LIMK1: variants seen among roughly 807,000 people sequenced by gnomAD.
The protein encoded by LIMK1 is LIM motif-containing protein kinase.
A neutral mutation model predicts 77.6 loss-of-function variants in LIMK1; 21 were observed. The observed-to-expected ratio is 0.27, with a 90% CI of 0.19 to 0.39. The LOEUF is 0.39. Among genes scored for constraint, LIMK1 ranks in the 10% least tolerant of loss-of-function variants. LIMK1 has a pLI of 1.00. For missense variants in LIMK1, 696 were observed against 901.6 expected (o/e 0.77, Z 2.92); for synonymous variants, 358 against 370.0 (o/e 0.97, Z 0.37).
intron 2 of LIMK1, among the ~76,000 whole-genome samples, chr7:74,088,734 G>A (rs938612861): frequency 2.0e-5 from 3 of 151,152 alleles, no homozygotes; most frequent in Non-Finnish European, 4.4e-5. Flanking sequence ...CCTGGGAGGC[G>A]GAGGCTGCAG....
At chr7:74,114,577 C>T (rs554767251) in intron 12 of LIMK1, among the ~76,000 whole-genome samples, 44 of 150,394 alleles carry the variant, frequency 2.9e-4, no homozygotes, top group African/African-American at 4.4e-4. Context: ...AAATCAAACC[C>T]GAAAAGCAAA....
In LIMK1 at chr7:74,099,154, A is replaced by T. The variant is rs1199051098; in HGVS notation, c.524A>T (p.Lys175Met). Residue 175 changes from lysine to methionine, a missense_variant, in exon 5 of 16, where the codon AAG (lysine) becomes ATG (methionine). By Grantham distance (95) the Lys-to-Met change is moderately conservative. This residue lies in a region of LIMK1 where 252 missense variants were observed against 279.4 expected (regional missense o/e 0.90). Transcript: ENST00000336180. ...TCCATCCCAGCCTCATCTCATGGCA[A>T]GCGTGGACTTTCAGTCTCCATTGAC... is the stretch of plus-strand genomic sequence containing the variant. ...LVSIPASSHG[K>M]RGLSVSIDPP... The T allele has an allele frequency of 1.2e-6, 2 of 1,613,424 alleles. No homozygotes were observed. Among genetic ancestry groups the T allele is most frequent in the African/African-American group, 2.7e-5 (2 of 74,904 alleles).
Position 74,120,602 on chromosome 7 carries a change from G to A in LIMK1, c.1587G>A (p.Lys529=). ...ATCCAGGCCGCAGCTATGATGAGAA[G>A]GTGGATGTGTTCTCCTTTGGGATCG... The part of the protein sequence containing the change: ...EMINGRSYDE[K]VDVFSFGIVL... Residue 529 remains lysine, a synonymous_variant, in exon 14 of 16, where the codon AAG becomes AAA. Transcript: ENST00000336180. The A allele has an allele frequency of 6.2e-7, 1 of 1,614,250 alleles. No homozygotes were observed. The highest frequency in any genetic ancestry group is 8.5e-7 in the Non-Finnish European group (1 of 1,180,040).
intron 5 of LIMK1, among the ~76,000 whole-genome samples, chr7:74,100,597 A>G (rs1799437386): frequency 6.6e-6 from 1 of 151,644 alleles, no homozygotes; most frequent in Non-Finnish European, 1.5e-5. Context: ...TTGTATTTTT[A>G]GTAAAGACAG....
chr7:74,105,285 G>A (rs541989827), intron 5 of LIMK1, among the ~76,000 whole-genome samples: 7 of 152,204 alleles, frequency 4.6e-5, no homozygotes, highest in South Asian at 2.1e-4. Context: ...TAAGGCGGGC[G>A]GATTGCATGA....
At chr7:74,089,030 A>G (rs782174655) in intron 2 of LIMK1, among the ~76,000 whole-genome samples, 5 of 152,186 alleles carry the variant, frequency 3.3e-5, no homozygotes, top group Non-Finnish European at 7.3e-5. Flanking sequence ...AGTATTTGTC[A>G]TATTGGCTAC....
chr7:74,090,232 G>A (rs1000285575), intron 2 of LIMK1, among the ~76,000 whole-genome samples: 3 of 152,000 alleles, frequency 2.0e-5, no homozygotes, highest in South Asian at 2.1e-4. Flanking sequence ...AAAATTAGCC[G>A]GGCCTGTTGG....
In LIMK1 at chr7:74,121,424, C is replaced by G; in HGVS notation, c.*123C>G. The G allele has an allele frequency of 9.6e-7, 1 of 1,040,272 alleles. No individual in the cohort carries two copies. The highest frequency in any genetic ancestry group is 2.6e-5 in the East Asian group (1 of 37,884). 64.4% of individuals were successfully genotyped at this position (1,040,272 alleles called of 1,614,324 possible). The stretch of plus-strand genomic sequence containing the variant: ...CCAGGCTTCTCCTCAGAGCCAGGCC[C>G]TGACTTGCCTTCTCCCACCCCGTGG... On this transcript the variant is annotated 3_prime_UTR_variant, in exon 16 of 16. Transcript: ENST00000336180.
chr7:74,108,264 G>A (rs1799622793), intron 9 of LIMK1, among the ~76,000 whole-genome samples: 1 of 152,096 alleles, frequency 6.6e-6, no homozygotes, highest in South Asian at 2.1e-4. Context: ...CTTGAGCCCA[G>A]GAGTTGGAGG....
At chr7:74,111,527 G>C (rs1262032890) in intron 10 of LIMK1, 121 bp from the exon 11 acceptor site, 3 of 743,816 alleles carry the variant, frequency 4.0e-6, no homozygotes, top group African/African-American at 1.7e-5. Flanking sequence ...AAGAAATCGG[G>C]GTGTTGGGGA....
chr7:74,096,492 T>C, intron 2 of LIMK1, 130 bp from the exon 3 acceptor site: 1 of 1,224,622 alleles, frequency 8.2e-7, no homozygotes, highest in South Asian at 1.4e-5. Context: ...AGAGCAAGAC[T>C]CCGTCTCAAA....
intron 6 of LIMK1, 37 bp from the exon 7 acceptor site, chr7:74,106,040 C>T (rs1315893688): frequency 6.2e-7 from 1 of 1,613,386 alleles, no homozygotes; most frequent in African/African-American, 1.3e-5. Flanking sequence ...TAGCCCCCTC[C>T]CCACTCCACC....
intron 5 of LIMK1, among the ~76,000 whole-genome samples, 163 bp from the exon 6 acceptor site, chr7:74,105,708 TCCTC>T (rs1799554489): frequency 6.6e-6 from 1 of 151,944 alleles, no homozygotes; most frequent in African/African-American, 2.4e-5. Context: ...ATTACAGAAT[TCCTC>T]CCCTGAAACC....
rs1799941446 is a variant in LIMK1 at position 74,121,597 on chromosome 7, A to T, written c.*296A>T. 1 of 406,044 alleles carries T rather than the reference A, an allele frequency of 2.5e-6. No homozygotes were observed. The highest frequency in any genetic ancestry group is 4.1e-5 in the Admixed American group (1 of 24,456). 25.2% of individuals were successfully genotyped at this position (406,044 alleles called of 1,614,324 possible). On this transcript the variant is annotated 3_prime_UTR_variant, in exon 16 of 16. Transcript: ENST00000336180. ...ATGAGCTGGAGGGCCTGTGTGAGTT[A>T]CGCCCCTTTCCACACGCCGCTGCCC... is the stretch of plus-strand genomic sequence containing the variant.
chr7:74,113,975 G>T (rs1799754695), intron 12 of LIMK1, among the ~76,000 whole-genome samples: 1 of 152,002 alleles, frequency 6.6e-6, no homozygotes, highest in African/African-American at 2.4e-5. Flanking sequence ...AACAAGCCAG[G>T]CACAGTGGCT....
At position 74,085,818 on chromosome 7, in the gene LIMK1, C is replaced by T. The variant is rs377360444; in HGVS notation, c.126C>T (p.Asn42=). 1.9e-4 allele frequency: 294 copies of T among 1,559,294 alleles called. No homozygotes were observed. Among genetic ancestry groups the T allele is most frequent in the Non-Finnish European group, 2.4e-4 (274 of 1,151,708 alleles). The change falls in exon 2 of 16, where the codon AAC becomes AAT. Residue 42 remains asparagine, a synonymous_variant. Coordinates refer to ENST00000336180, the MANE Select transcript of LIMK1 (RefSeq NM_002314.4). The part of the protein sequence containing the change: ...IYDGQYLQAL[N]ADWHADCFRC... ...ATGGCCAGTACCTCCAGGCCCTGAA[C>T]GCGGACTGGCACGCAGACTGCTTCA...
In LIMK1 at chr7:74,107,202, C is replaced by T; in HGVS notation, c.1065+9C>T. 6.3e-7 allele frequency: 1 copy of T among 1,599,658 alleles called. No homozygotes were observed. On this transcript the variant is annotated intron_variant, in intron 8 of 15. Coordinates refer to ENST00000336180, the MANE Select transcript of LIMK1 (RefSeq NM_002314.4). ...TCGGCCAGGCTATCAAGGTACAGAGCATGCCAGGGTCTCAGGGGACAGTCT... is the reference window on the plus strand; with the variant it reads ...TCGGCCAGGCTATCAAGGTACAGAGTATGCCAGGGTCTCAGGGGACAGTCT...
In LIMK1 at chr7:74,097,116, A is replaced by C; in HGVS notation, c.328A>C (p.Ile110Leu). Residue 110 changes from isoleucine to leucine, a missense_variant, in exon 4 of 16, where the codon ATC (isoleucine) becomes CTC (leucine). Coordinates refer to ENST00000336180, the MANE Select transcript of LIMK1 (RefSeq NM_002314.4). ...GCTGAAGTACCACCCCGAGTGTTTC[A>C]TCTGCCTCACGTGTGGGACCTTTAT... The part of the protein sequence containing the change: ...GELKYHPECF[I>L]CLTCGTFIGD... 1 of 1,613,662 alleles carries C rather than the reference A, an allele frequency of 6.2e-7. No homozygotes were observed.
chr7:74,097,133 G>A lies in LIMK1; in HGVS notation c.345G>A (p.Gly115=). 1 of 1,613,660 alleles carries A rather than the reference G, an allele frequency of 6.2e-7. No individual in the cohort carries two copies. The highest frequency in any genetic ancestry group is 8.5e-7 in the Non-Finnish European group (1 of 1,179,952). The change falls in exon 4 of 16, where the codon GGG becomes GGA. Residue 115 remains glycine (G), a synonymous_variant. Transcript: ENST00000336180. ...HPECFICLTC[G]TFIGDGDTYT... ...AGTGTTTCATCTGCCTCACGTGTGG[G>A]ACCTTTATCGGTGACGGGGACACCT... is the stretch of plus-strand genomic sequence containing the variant.
Sources: allele counts gnomAD v4.1 joint callset (sites outside exome capture counted in the v4.1 genomes callset), GRCh38; gene constraint gnomAD v4.1.1; regional missense constraint gnomAD v4.1.1; transcripts MANE v1.5; gene names NCBI Gene and HGNC (gene_info 2026-07-23, HGNC 2026-07-21).